The following EIPR1 variants were observed in gnomAD, a reference collection of about 807,000 sequenced individuals.
The protein encoded by EIPR1 is EARP complex and GARP complex interacting protein 1.
In EIPR1, 25 loss-of-function variants were observed where a neutral mutation model predicts 48.1. The ratio of observed to expected loss-of-function variants is 0.52; its 90% CI spans 0.38 to 0.73. EIPR1 has a LOEUF of 0.73. Ranked by LOEUF, EIPR1 falls within the 30% of genes least tolerant of loss-of-function variation. The pLI, the probability that EIPR1 is intolerant of heterozygous loss-of-function variation, is 0.00. For synonymous variants in EIPR1, 204 were observed against 201.9 expected (o/e 1.01, Z -0.09); for missense variants, 415 against 506.2 (o/e 0.82, Z 1.73).
At chr2:3,311,518 T>C (rs1669126962) in intron 3 of EIPR1, among the ~76,000 whole-genome samples, 1 of 152,182 alleles carries the variant, frequency 6.6e-6, no homozygotes. Context: ...TCTGAGAACA[T>C]GTGGCATTCT....
At chr2:3,200,034 G>A (rs1194289175) in intron 5 of EIPR1, among the ~76,000 whole-genome samples, 2 of 152,056 alleles carry the variant, frequency 1.3e-5, no homozygotes, top group Non-Finnish European at 2.9e-5. Context: ...TCCACATCTG[G>A]GTACAGACAA....
intron 4 of EIPR1, among the ~76,000 whole-genome samples, chr2:3,255,336 C>T (rs1263970710): frequency 6.6e-6 from 1 of 152,098 alleles, no homozygotes; most frequent in Non-Finnish European, 1.5e-5. Context: ...GCACGTGCCA[C>T]CACACACGGC....
chr2:3,340,836 T>C (rs11127414), intron 2 of EIPR1, among the ~76,000 whole-genome samples: 59,605 of 151,672 alleles, frequency 0.39, 12,680 homozygotes, highest in East Asian at 0.75. Flanking sequence ...GTGGCTGACA[T>C]CTGTAATCCC....
At chr2:3,258,750 C>G (rs1365039160) in intron 3 of EIPR1, among the ~76,000 whole-genome samples, 1 of 152,078 alleles carries the variant, frequency 6.6e-6, no homozygotes, top group Non-Finnish European at 1.5e-5. Flanking sequence ...AGACTTCAAC[C>G]AGGATTTTCT....
At chr2:3,304,584 TCCCGTC>T (rs1668859760) in intron 3 of EIPR1, among the ~76,000 whole-genome samples, 1 of 5,744 alleles carries the variant, frequency 1.7e-4, no homozygotes, top group African/African-American at 7.5e-4. Flanking sequence ...AGCCCTCCAA[TCCCGTC>T]CAGTTCAACC....
chr2:3,297,065 T>C (rs961228070), intron 3 of EIPR1, among the ~76,000 whole-genome samples: 4 of 152,132 alleles, frequency 2.6e-5, no homozygotes, highest in African/African-American at 9.7e-5. Flanking sequence ...ATCACTTCCT[T>C]TTGTCCATGA....
At chr2:3,255,335 A>C (rs1267959751) in intron 4 of EIPR1, among the ~76,000 whole-genome samples, 1 of 152,080 alleles carries the variant, frequency 6.6e-6, no homozygotes, top group Non-Finnish European at 1.5e-5. Flanking sequence ...GGCACGTGCC[A>C]CCACACACGG....
At chr2:3,371,645 T>C (rs1322827915) in intron 1 of EIPR1, among the ~76,000 whole-genome samples, 2 of 152,150 alleles carry the variant, frequency 1.3e-5, no homozygotes, top group African/African-American at 4.8e-5. Context: ...AGCCCATTAC[T>C]TAAGGGTAAA....
intron 2 of EIPR1, among the ~76,000 whole-genome samples, chr2:3,342,451 T>C (rs1368656188): frequency 6.6e-6 from 1 of 152,252 alleles, no homozygotes; most frequent in Non-Finnish European, 1.5e-5. Flanking sequence ...TCTGCTCCCC[T>C]GAAATGAACC....
intron 1 of EIPR1, among the ~76,000 whole-genome samples, chr2:3,372,783 C>A (rs1659713953): frequency 6.6e-6 from 1 of 152,138 alleles, no homozygotes; most frequent in Non-Finnish European, 1.5e-5. Flanking sequence ...GGATTCACAG[C>A]CGAATTCTAC....
At chr2:3,302,551 A>G (rs1269775384) in intron 3 of EIPR1, among the ~76,000 whole-genome samples, 1 of 152,186 alleles carries the variant, frequency 6.6e-6, no homozygotes, top group Non-Finnish European at 1.5e-5. Context: ...GGCTTTAGCA[A>G]GCTGATCCTG....
intron 5 of EIPR1, chr2:3,207,809 G>C (rs1485985919): frequency 3.9e-5 from 6 of 152,216 alleles, no homozygotes; most frequent in African/African-American, 1.4e-4. Context: ...CTGAGTGGAA[G>C]ACTAATAAGA....
chr2:3,195,269 G>A (rs1300881784), intron 6 of EIPR1, among the ~76,000 whole-genome samples: 4 of 152,210 alleles, frequency 2.6e-5, no homozygotes, highest in Admixed American at 1.3e-4. Flanking sequence ...CTACCTGCAC[G>A]GCCTCCCCAG....
intron 1 of EIPR1, among the ~76,000 whole-genome samples, chr2:3,376,007 G>A (rs1659864139): frequency 6.6e-6 from 1 of 152,176 alleles, no homozygotes; most frequent in African/African-American, 2.4e-5. Context: ...GGGTGCGGTG[G>A]CTCATGACTA....
At chr2:3,203,318 C>T (rs141195492) in intron 5 of EIPR1, among the ~76,000 whole-genome samples, 218 of 152,336 alleles carry the variant, frequency 1.4e-3, no homozygotes, top group Non-Finnish European at 2.7e-3. Context: ...TTAGGAACTG[C>T]GATGGGCGTT....
chr2:3,274,396 C>G, intron 3 of EIPR1: 1 of 1,550,414 alleles, frequency 6.4e-7, no homozygotes, highest in Non-Finnish European at 8.7e-7. Context: ...CCAAAGGAAT[C>G]CAGAGACAGC....
chr2:3,330,253 G>C (rs1350891342), intron 3 of EIPR1, among the ~76,000 whole-genome samples: 2 of 152,248 alleles, frequency 1.3e-5, no homozygotes, highest in South Asian at 2.1e-4. Context: ...TGTTTTTCAA[G>C]CAAGGTGTAA....
intron 2 of EIPR1, among the ~76,000 whole-genome samples, chr2:3,339,876 G>A (rs914828059): frequency 6.6e-6 from 1 of 152,210 alleles, no homozygotes; most frequent in African/African-American, 2.4e-5. Context: ...CGTGAACCCG[G>A]GAGGCGGAGC....
intron 4 of EIPR1, among the ~76,000 whole-genome samples, chr2:3,243,310 C>G (rs1408689225): frequency 6.6e-6 from 1 of 152,108 alleles, no homozygotes; most frequent in Admixed American, 6.6e-5. Context: ...CATAGCTCAA[C>G]AGAAACAAGC....
Sources: allele counts gnomAD v4.1 joint callset (sites outside exome capture counted in the v4.1 genomes callset), GRCh38; gene constraint gnomAD v4.1.1; transcripts MANE v1.5; gene names NCBI Gene and HGNC (gene_info 2026-07-23, HGNC 2026-07-21).